Variants in TMEM132B observed in about 807,000 individuals in gnomAD.
The protein encoded by TMEM132B is transmembrane protein 132B.
TMEM132B carries 18 observed loss-of-function variants against 90.8 expected under a neutral mutation model. That is an observed-to-expected ratio of 0.20 (90% CI 0.14 to 0.29). The LOEUF (loss-of-function observed/expected upper bound fraction) is 0.29. Ranked by LOEUF, TMEM132B falls within the 10% of genes least tolerant of loss-of-function variation. TMEM132B has a pLI of 1.00. For synonymous variants in TMEM132B, 504 were observed against 523.3 expected, an observed-to-expected ratio of 0.96 and a Z score of 0.50; for missense variants, 1,096 against 1,326.8, an observed-to-expected ratio of 0.83 and a Z score of 2.70.
intron 3 of TMEM132B, among the ~76,000 whole-genome samples, chr12:125,494,104 G>A (rs1185369194): frequency 3.2e-5 from 3 of 93,800 alleles, no homozygotes; most frequent in South Asian, 7.6e-4. Flanking sequence ...GAAAATGGCC[G>A]CATCCCTCCT....
At chr12:125,518,912 G>T (rs1338122934) in intron 3 of TMEM132B, among the ~76,000 whole-genome samples, 4 of 152,196 alleles carry the variant, frequency 2.6e-5, no homozygotes, top group Non-Finnish European at 5.9e-5. Flanking sequence ...CTCACTCTCA[G>T]TCTCCTGATG....
intron 3 of TMEM132B, among the ~76,000 whole-genome samples, chr12:125,502,685 G>A (rs139784289): frequency 4.3e-4 from 65 of 152,268 alleles, no homozygotes; most frequent in African/African-American, 1.2e-3. Flanking sequence ...TTTTATTTGC[G>A]TGTTAACTGT....
chr12:125,354,953 C>G (rs945740649), intron 2 of TMEM132B, among the ~76,000 whole-genome samples: 1 of 151,994 alleles, frequency 6.6e-6, no homozygotes, highest in African/African-American at 2.4e-5. Flanking sequence ...ATGGAAACTG[C>G]GACTCTGAGA....
In TMEM132B at chr12:125,344,978, A is replaced by G. The variant is rs75029966; in HGVS notation, c.68-4474A>G. 9.6e-3 allele frequency among the ~76,000 whole-genome samples: 1,469 copies of G among 152,258 alleles called. 24 individuals are homozygous for G. Among genetic ancestry groups the G allele is most frequent in the African/African-American group, 0.034 (1,402 of 41,544 alleles). On this transcript the variant is annotated intron_variant, in intron 1 of 8. Transcript: ENST00000682704. ...ACCTGAACTAATATTAATGCTGACAAAGGCCTCCTTTTGGCTCCTGGCCTT... is the reference window on the plus strand; with the variant it reads ...ACCTGAACTAATATTAATGCTGACAGAGGCCTCCTTTTGGCTCCTGGCCTT...
chr12:125,311,249 C>T (rs1195816387), intron 1 of TMEM132B, among the ~76,000 whole-genome samples: 2 of 152,182 alleles, frequency 1.3e-5, no homozygotes, highest in Non-Finnish European at 2.9e-5. Context: ...GAAACCGGGT[C>T]ACCGTTACAA....
intron 5 of TMEM132B, among the ~76,000 whole-genome samples, chr12:125,596,466 A>G (rs901692062): frequency 6.6e-5 from 10 of 152,174 alleles, no homozygotes; most frequent in Non-Finnish European, 1.5e-4. Context: ...TTTATTTGCC[A>G]TCCAGACATT....
chr12:125,335,238 G>T (rs910817106), intron 1 of TMEM132B, among the ~76,000 whole-genome samples: 5 of 152,214 alleles, frequency 3.3e-5, no homozygotes, highest in Non-Finnish European at 5.9e-5. Flanking sequence ...CTGGCAGGAA[G>T]AAATCAGTAC....
At chr12:125,506,459 A>G (rs1427735036) in intron 3 of TMEM132B, among the ~76,000 whole-genome samples, 1 of 152,150 alleles carries the variant, frequency 6.6e-6, no homozygotes, top group Non-Finnish European at 1.5e-5. Context: ...TTACATGACT[A>G]TGCATTTGTC....
chr12:125,352,151 C>G (rs1877608162), intron 2 of TMEM132B, among the ~76,000 whole-genome samples: 1 of 152,218 alleles, frequency 6.6e-6, no homozygotes, highest in Non-Finnish European at 1.5e-5. Flanking sequence ...GCCTTTAAGG[C>G]TCTCACATGA....
At chr12:125,563,635 G>A (rs1884597137) in intron 4 of TMEM132B, among the ~76,000 whole-genome samples, 1 of 151,866 alleles carries the variant, frequency 6.6e-6, no homozygotes, top group Admixed American at 6.6e-5. Flanking sequence ...GGTGCAATAA[G>A]GTGAAGCCAA....
At chr12:125,341,843 T>A (rs1157998782) in intron 1 of TMEM132B, among the ~76,000 whole-genome samples, 2 of 152,270 alleles carry the variant, frequency 1.3e-5, no homozygotes, top group South Asian at 4.1e-4. Flanking sequence ...GTTGATGAGG[T>A]AGCGTGTTGT....
At chr12:125,581,395 A>C (rs1885049948) in intron 4 of TMEM132B, among the ~76,000 whole-genome samples, 2 of 152,218 alleles carry the variant, frequency 1.3e-5, no homozygotes. Flanking sequence ...AGTTGGATTC[A>C]GGAACCTGGA....
In TMEM132B at chr12:125,459,948, TAA is replaced by T; in HGVS notation, c.1106+44272_1106+44273del. Among the ~76,000 whole-genome samples, 1 of 152,310 alleles carries T rather than the reference TAA, an allele frequency of 6.6e-6. No individual in the cohort carries two copies. The highest frequency in any genetic ancestry group is 2.4e-5 in the African/African-American group (1 of 41,566). On this transcript the variant is annotated intron_variant, in intron 3 of 8. Transcript: ENST00000682704. The surrounding 1 kb of genome is among the most constrained non-coding windows in gnomAD (Gnocchi z 4.1). ...TTTCCCTCTCTTGCCTGCTGCCATG[TAA>T]GACGTGCCTTTCACCTTCCACCATG...
chr12:125,301,122 A>G (rs1401632619), intron 1 of TMEM132B: 3 of 152,270 alleles, frequency 2.0e-5, no homozygotes, highest in African/African-American at 7.2e-5. Flanking sequence ...TAAGTGGCTG[A>G]TAATATCTCA....
At chr12:125,300,025 T>A (rs1875780426) in intron 1 of TMEM132B, among the ~76,000 whole-genome samples, 1 of 152,316 alleles carries the variant, frequency 6.6e-6, no homozygotes, top group South Asian at 2.1e-4. Flanking sequence ...GTTCCTCCCA[T>A]GCGCCCTGCG....
chr12:125,553,326 A>C (rs1032154805), intron 4 of TMEM132B, among the ~76,000 whole-genome samples: 1 of 152,188 alleles, frequency 6.6e-6, no homozygotes, highest in Non-Finnish European at 1.5e-5. Context: ...GCAGGATGCA[A>C]TGGAGAGGAA....
At position 125,268,178 on chromosome 12, in the gene TMEM132B, T is replaced by C. The variant is rs557395159; in HGVS notation, c.68-81274T>C. Among the ~76,000 whole-genome samples the C allele has an allele frequency of 5.8e-4, 89 of 152,374 alleles. 3 individuals are homozygous for C. The South Asian group carries it at 0.018, about 31-fold the overall frequency. On this transcript the variant is annotated intron_variant, in intron 1 of 8. Transcript: ENST00000682704. ...TGGCAGAGCTCAGGGATCTATCAAC[T>C]TCATAAATGAGGAAATTGGGACTCG...
intron 3 of TMEM132B, among the ~76,000 whole-genome samples, chr12:125,483,610 G>A (rs1882118031): frequency 6.6e-6 from 1 of 152,158 alleles, no homozygotes; most frequent in South Asian, 2.1e-4. Context: ...ATTGCTTTGA[G>A]AAGAATAGAA....
At chr12:125,211,937 G>C (rs1314919152) in intron 1 of TMEM132B, among the ~76,000 whole-genome samples, 4 of 152,200 alleles carry the variant, frequency 2.6e-5, no homozygotes, top group African/African-American at 9.6e-5. Context: ...TCACTGATGG[G>C]CACTAATGGC....
Sources: allele counts gnomAD v4.1 joint callset (sites outside exome capture counted in the v4.1 genomes callset), GRCh38; gene constraint gnomAD v4.1.1; non-coding constraint Gnocchi (gnomAD v3.1); transcripts MANE v1.5; gene names NCBI Gene and HGNC (gene_info 2026-07-23, HGNC 2026-07-21).